The following SH3D19 variants were observed in gnomAD, a reference collection of about 807,000 sequenced individuals.
SH3D19 encodes the protein SH3 domain containing 19.
SH3D19 carries 58 observed loss-of-function variants against 112.1 expected under a neutral mutation model. That is an observed-to-expected ratio of 0.52 (90% CI 0.42 to 0.64). The LOEUF is 0.64. Among genes scored for constraint, SH3D19 ranks in the 30% least tolerant of loss-of-function variants. The pLI, the probability that SH3D19 is intolerant of heterozygous loss-of-function variation, is 0.00. For missense variants in SH3D19, 1,090 were observed against 1,263.4 expected (o/e 0.86, Z 2.08); for synonymous variants, 391 against 448.5 (o/e 0.87, Z 1.62).
At chr4:151,286,916 G>A (rs371670026) in intron 1 of SH3D19, among the ~76,000 whole-genome samples, 12 of 151,618 alleles carry the variant, frequency 7.9e-5, no homozygotes, top group African/African-American at 2.7e-4. Flanking sequence ...GGAGGTAGAG[G>A]TTACAGTGAG....
At chr4:151,237,724 A>G (rs918945719) in intron 1 of SH3D19, among the ~76,000 whole-genome samples, 1 of 152,254 alleles carries the variant, frequency 6.6e-6, no homozygotes, top group Admixed American at 6.5e-5. Flanking sequence ...AACATCTACT[A>G]TTATGATAAT....
chr4:151,236,282 C>CG (rs1432772618), intron 1 of SH3D19, among the ~76,000 whole-genome samples: 1 of 152,232 alleles, frequency 6.6e-6, no homozygotes. Flanking sequence ...TGCGGGCTGG[C>CG]GGGGGTTCCA....
At chr4:151,284,100 A>C (rs1488989093) in intron 1 of SH3D19, among the ~76,000 whole-genome samples, 1 of 152,012 alleles carries the variant, frequency 6.6e-6, no homozygotes, top group African/African-American at 2.4e-5. Context: ...TGGTTTTTTA[A>C]ATCTATTCTT....
At chr4:151,152,551 A>G (rs1389706668) in intron 9 of SH3D19, among the ~76,000 whole-genome samples, 1 of 118,238 alleles carries the variant, frequency 8.5e-6, no homozygotes, top group Non-Finnish European at 1.6e-5. Flanking sequence ...ATGGAGTCTC[A>G]CTCTGTTGCC....
intron 1 of SH3D19, among the ~76,000 whole-genome samples, chr4:151,244,055 T>G (rs1368624925): frequency 6.6e-6 from 1 of 152,192 alleles, no homozygotes; most frequent in Non-Finnish European, 1.5e-5. Flanking sequence ...GGAGGCTGAG[T>G]TATTTCTGTG....
Position 151,169,336 on chromosome 4 carries a change from G to A in SH3D19, c.1535-3640C>T, listed in dbSNP as rs535615245. On this transcript the variant is annotated intron_variant, in intron 7 of 19. Transcript: ENST00000604030. ...CATGTGGCGAGGCAAGGAAGTCTTC[G>A]TGTTCCACCACCGCAGGCTGTTTGG... Among the ~76,000 whole-genome samples the A allele has an allele frequency of 6.6e-5, 10 of 152,132 alleles. No individual in the cohort carries two copies. The South Asian group carries it at 1.2e-3, about 19-fold the overall frequency.
At chr4:151,161,941 T>C (rs1422596975) in intron 8 of SH3D19, among the ~76,000 whole-genome samples, 1 of 151,946 alleles carries the variant, frequency 6.6e-6, no homozygotes, top group Non-Finnish European at 1.5e-5. Flanking sequence ...AATTCTTTTT[T>C]TTTAATTGAG....
chr4:151,268,440 A>AT (rs1477580954), intron 1 of SH3D19, among the ~76,000 whole-genome samples: 1 of 151,692 alleles, frequency 6.6e-6, no homozygotes, highest in Non-Finnish European at 1.5e-5. Flanking sequence ...CACTAAGTGT[A>AT]TTTTTTTATT....
In SH3D19 at chr4:151,129,312, C is replaced by T. The variant is rs562404817; in HGVS notation, c.2743-956G>A. On this transcript the variant is annotated intron_variant, in intron 17 of 19. Transcript: ENST00000604030. ...TTTGCTCTGTGAAGAGGCAGCTCTG[C>T]CAATTTGGGATGGGAACCCTATGTT... Among the ~76,000 whole-genome samples, 4 of 152,256 alleles carry T rather than the reference C, an allele frequency of 2.6e-5. No individual in the cohort carries two copies. The East Asian group carries it at 5.8e-4, about 22-fold the overall frequency.
At chr4:151,148,404 T>G (rs1361401487) in intron 10 of SH3D19, among the ~76,000 whole-genome samples, 1 of 152,178 alleles carries the variant, frequency 6.6e-6, no homozygotes, top group Non-Finnish European at 1.5e-5. Flanking sequence ...TGCCATGATG[T>G]TCCAGTTTCC....
At chr4:151,227,276 T>C (rs943723346) in intron 1 of SH3D19, among the ~76,000 whole-genome samples, 1 of 152,352 alleles carries the variant, frequency 6.6e-6, no homozygotes, top group Middle Eastern at 3.4e-3. Context: ...GAATAGGATT[T>C]ACACAGTTAA....
At chr4:151,259,067 C>T (rs373813592) in intron 1 of SH3D19, among the ~76,000 whole-genome samples, 5 of 152,194 alleles carry the variant, frequency 3.3e-5, no homozygotes, top group African/African-American at 7.2e-5. Context: ...TCCCCATTCT[C>T]CCACTAGGAG....
chr4:151,188,959 G>A (rs942243537), intron 2 of SH3D19, among the ~76,000 whole-genome samples: 1 of 152,028 alleles, frequency 6.6e-6, no homozygotes, highest in Non-Finnish European at 1.5e-5. Context: ...CCAAACCAAG[G>A]TACACCAAAG....
At chr4:151,297,073 A>C (rs1452594136) in intron 1 of SH3D19, among the ~76,000 whole-genome samples, 1 of 152,224 alleles carries the variant, frequency 6.6e-6, no homozygotes, top group Non-Finnish European at 1.5e-5. Context: ...CTCCCTGAGA[A>C]CTTTTTAAAA....
intron 1 of SH3D19, chr4:151,227,904 C>CA: frequency 2.0e-6 from 2 of 985,380 alleles, no homozygotes; most frequent in South Asian, 4.7e-5. Context: ...AAGGGAGAAA[C>CA]AGAGTCACGA....
At chr4:151,125,832 T>G (rs1165342798) in intron 19 of SH3D19, among the ~76,000 whole-genome samples, 1 of 92,264 alleles carries the variant, frequency 1.1e-5, no homozygotes, top group African/African-American at 4.4e-5. Context: ...AGAGCGAGAC[T>G]CCATCTCAAA....
chr4:151,277,234 A>G, intron 1 of SH3D19: 1 of 1,500,104 alleles, frequency 6.7e-7, no homozygotes, highest in Non-Finnish European at 9.0e-7. Context: ...GGTGAGCGCC[A>G]GGGTGGGGTT....
In SH3D19 at chr4:151,150,649, G is replaced by A. The variant is rs373997608; in HGVS notation, c.1756-1088C>T. On this transcript the variant is annotated intron_variant, in intron 9 of 19. Transcript: ENST00000604030. ...AAAGGGCTGGATGGGCTAAAAAAGA[G>A]TTTCGTAGAAAAGAGGAAAAGAGTG... Among the ~76,000 whole-genome samples the A allele has an allele frequency of 1.2e-4, 19 of 152,156 alleles. No homozygotes were observed. In the South Asian group the frequency reaches 3.9e-3, roughly 32 times the overall value.
At chr4:151,149,894 G>A (rs924992428) in intron 9 of SH3D19, among the ~76,000 whole-genome samples, 9 of 151,870 alleles carry the variant, frequency 5.9e-5, no homozygotes, top group Admixed American at 5.9e-4. Flanking sequence ...ATTTAAAAAT[G>A]TATGCTCTTG....
Sources: gnomAD v4.1 joint callset for allele counts (sites outside exome capture counted in the v4.1 genomes callset) on GRCh38, gnomAD v4.1.1 for gene constraint, MANE v1.5 for transcripts, NCBI Gene and HGNC (gene_info 2026-07-23, HGNC 2026-07-21) for gene names.